The following FCRL3 variants were observed in gnomAD, a reference collection of about 807,000 sequenced individuals.
The protein encoded by FCRL3 is Fc receptor-like protein 3.
In FCRL3, 89 loss-of-function variants were observed where a neutral mutation model predicts 75.0. That is an observed-to-expected ratio of 1.19 (90% confidence interval 1.00 to 1.42). FCRL3 has a LOEUF of 1.42. FCRL3 is among the 40% of genes most tolerant of loss of function. The pLI is 0.00. For missense variants in FCRL3, 946 were observed against 880.0 expected (o/e 1.07, Z -0.95); for synonymous variants, 376 against 348.5 (o/e 1.08, Z -0.88).
chr1:157,689,587 A>G (rs1359626581), intron 10 of FCRL3, among the ~76,000 whole-genome samples: 1 of 152,214 alleles, frequency 6.6e-6, no homozygotes, highest in African/African-American at 2.4e-5. Context: ...TACCTAATAT[A>G]AATCTCAAAT....
At position 157,697,930 on chromosome 1, in the gene FCRL3, C is replaced by G. The variant is rs781012530; in HGVS notation, c.299-11G>C. On this transcript the variant is annotated splice_polypyrimidine_tract_variant and intron_variant, in intron 4 of 14. Coordinates refer to ENST00000368184, the MANE Select transcript of FCRL3 (RefSeq NM_052939.4). Reference sequence around the variant, plus strand: ...GCAGGATCAGCCAGTCTGCAAAGAGCACAGGAGCACACTCAGGTTATCCCC... The same window carrying G: ...GCAGGATCAGCCAGTCTGCAAAGAGGACAGGAGCACACTCAGGTTATCCCC... The G allele has an allele frequency of 3.1e-6, 5 of 1,612,004 alleles. No homozygotes were observed. The East Asian group carries it at 1.1e-4, about 36-fold the overall frequency.
Position 157,681,114 on chromosome 1 carries a change from G to A in FCRL3, c.1839-15C>T, listed in dbSNP as rs760386120. On this transcript the variant is annotated splice_polypyrimidine_tract_variant and intron_variant, in intron 11 of 14. Coordinates refer to ENST00000368184, the MANE Select transcript of FCRL3 (RefSeq NM_052939.4). ...TAGGACTGTGACTGTGACAGAGGGG[G>A]AGAGAATGGATTAAAAAGTATCTGT... 6.7e-7 allele frequency: 1 copy of A among 1,495,160 alleles called. No homozygotes were observed. Among genetic ancestry groups the A allele is most frequent in the African/African-American group, 1.4e-5 (1 of 71,052 alleles). The allele number at this position is 1,495,160 out of a possible 1,614,324, so 92.6% of individuals were successfully genotyped here.
At chr1:157,684,167 A>C (rs1188970189) in intron 10 of FCRL3, among the ~76,000 whole-genome samples, 2 of 152,228 alleles carry the variant, frequency 1.3e-5, no homozygotes, top group African/African-American at 4.8e-5. Flanking sequence ...AGCCAAATCT[A>C]TCAGACTTAA....
intron 8 of FCRL3, chr1:157,691,613 G>A (rs957806528): frequency 3.9e-5 from 6 of 152,176 alleles, no homozygotes; most frequent in African/African-American, 1.2e-4. Context: ...TGAAACAGAT[G>A]GTTTGAATTT....
In FCRL3 at chr1:157,697,339, G is replaced by T. The variant is rs1247104503; in HGVS notation, c.645C>A (p.Leu215=). The change falls in exon 6 of 15, where the codon CTC becomes CTA. Residue 215 remains leucine (L), a synonymous_variant. Coordinates refer to ENST00000368184, the MANE Select transcript of FCRL3 (RefSeq NM_052939.4). ...GCTGGACATCTGGCCTCTGTGGAGA[G>T]AGCTGGGTCTCACAGGTCAGGGTCA... ...SPMTLTCETQ[L]SPQRPDVQLQ... The T allele has an allele frequency of 2.0e-5, 32 of 1,611,182 alleles. No homozygotes were observed. The highest frequency in any genetic ancestry group is 2.6e-5 in the Non-Finnish European group (31 of 1,178,654).
intron 11 of FCRL3, among the ~76,000 whole-genome samples, chr1:157,681,928 C>G (rs12084565): frequency 6.6e-6 from 1 of 151,630 alleles, no homozygotes; most frequent in East Asian, 1.9e-4. Flanking sequence ...TTTTAATGAT[C>G]GCCATTCTAA....
upstream of FCRL3, chr1:157,700,856 C>T (rs2101631499): frequency 1.6e-6 from 1 of 606,374 alleles, no homozygotes. Context: ...AACCCCTTCA[C>T]TACCTTGTCT....
rs991302750 is a variant in FCRL3 at position 157,689,922 on chromosome 1, G to A, written c.1691-5C>T. ...CTGTTCTGTTCCTGGAAGTTCCTGA[G>A]TGGAGGGAGCTGTACTTGAGTTTCA... On this transcript the variant is annotated splice_region_variant and splice_polypyrimidine_tract_variant and intron_variant, in intron 9 of 14. Coordinates refer to ENST00000368184, the MANE Select transcript of FCRL3 (RefSeq NM_052939.4). 5.0e-6 allele frequency: 8 copies of A among 1,614,152 alleles called. No homozygotes were observed. The highest frequency in any genetic ancestry group is 4.2e-6 in the Non-Finnish European group (5 of 1,179,990).
Position 157,697,838 on chromosome 1 carries a change from T to C in FCRL3, c.380A>G (p.Asn127Ser), listed in dbSNP as rs1412324567. 2 of 1,614,134 alleles carry C rather than the reference T, an allele frequency of 1.2e-6. No individual in the cohort carries two copies. Among genetic ancestry groups the C allele is most frequent in the Non-Finnish European group, 1.7e-6 (2 of 1,180,010 alleles). Reference protein sequence around the residue: ...ILRCQGKDNKNTHQKVYYKDG... With the variant: ...ILRCQGKDNKSTHQKVYYKDG... Reference sequence around the variant, plus strand: ...CTTGTAGTAAACCTTTTGATGAGTGTTTTTGTTGTCTTTCCCCTGACATCT... The same window carrying C: ...CTTGTAGTAAACCTTTTGATGAGTGCTTTTGTTGTCTTTCCCCTGACATCT... The change falls in exon 5 of 15, where the codon AAC becomes AGC. Residue 127 changes from asparagine (N) to serine (S), a missense_variant. Coordinates refer to ENST00000368184, the MANE Select transcript of FCRL3 (RefSeq NM_052939.4).
chr1:157,676,704 G>C lies in FCRL3; in HGVS notation c.*2006C>G. The C allele has an allele frequency of 6.5e-7, 1 of 1,549,990 alleles. No individual in the cohort carries two copies. The highest frequency in any genetic ancestry group is 8.7e-7 in the Non-Finnish European group (1 of 1,146,510). ...TTCTTCCACTCACATACTCTGATTT[G>C]CACAGGGCTAAGTGTTACAAAGACA... On this transcript the variant is annotated 3_prime_UTR_variant, in exon 15 of 15. Coordinates refer to ENST00000368184, the MANE Select transcript of FCRL3 (RefSeq NM_052939.4).
intron 8 of FCRL3, among the ~76,000 whole-genome samples, chr1:157,691,438 GA>G (rs1405119487): frequency 6.6e-6 from 1 of 152,210 alleles, no homozygotes; most frequent in Non-Finnish European, 1.5e-5. Context: ...TTCCATCGCA[GA>G]TGGGCTAAAG....
At position 157,689,873 on chromosome 1, in the gene FCRL3, C is replaced by G. The variant is rs759615906; in HGVS notation, c.1735G>C (p.Gly579Arg). ...RTGLTAAGIT[G>R]LVLSILVLAA... Reference sequence around the variant, plus strand: ...AGGACGAGGATGCTGAGCACCAGCCCCGTGATTCCCGCAGCGGTAAGGCCT... The same window carrying G: ...AGGACGAGGATGCTGAGCACCAGCCGCGTGATTCCCGCAGCGGTAAGGCCT... The change falls in exon 10 of 15, where the codon GGG (glycine) becomes CGG (arginine). Residue 579 changes from glycine (G) to arginine (R), a missense_variant. By Grantham distance (125) the Gly-to-Arg change is moderately radical. Coordinates refer to ENST00000368184, the MANE Select transcript of FCRL3 (RefSeq NM_052939.4). The G allele has an allele frequency of 5.9e-5, 95 of 1,614,042 alleles. 2 individuals carry two copies. In the South Asian group the frequency reaches 1.0e-3, roughly 18 times the overall value.
chr1:157,679,145 C>T (rs1654658183), intron 13 of FCRL3, 172 bp from the exon 14 acceptor site: 3 of 690,804 alleles, frequency 4.3e-6, no homozygotes, highest in South Asian at 1.8e-5. Context: ...AGCCAATCTT[C>T]TTGATTTGCT....
intron 3 of FCRL3, 31 bp from the exon 4 acceptor site, chr1:157,698,660 G>A: frequency 3.1e-6 from 5 of 1,612,128 alleles, no homozygotes; most frequent in Non-Finnish European, 4.2e-6. Context: ...TGAAGGCAGG[G>A]GAAGGTCAAT....
chr1:157,676,971 CAT>C lies in FCRL3; in HGVS notation c.*1737_*1738del. 7.3e-7 allele frequency: 1 copy of C among 1,372,030 alleles called. No homozygotes were observed. The allele number at this position is 1,372,030 out of a possible 1,614,324, so 85.0% of individuals were successfully genotyped here. On this transcript the variant is annotated 3_prime_UTR_variant, in exon 15 of 15. Coordinates refer to ENST00000368184, the MANE Select transcript of FCRL3 (RefSeq NM_052939.4). Reference sequence around the variant, plus strand: ...GAGAAAAAAACAGCAGAATGTATCACATAGAAGACAGAGACATTTGCCTCCTC... The same window carrying C: ...GAGAAAAAAACAGCAGAATGTATCACAGAAGACAGAGACATTTGCCTCCTC...
chr1:157,696,309 A>G lies in FCRL3; in HGVS notation c.863T>C (p.Val288Ala). 6.2e-7 allele frequency: 1 copy of G among 1,614,054 alleles called. No individual in the cohort carries two copies. The highest frequency in any genetic ancestry group is 8.5e-7 in the Non-Finnish European group (1 of 1,180,008). The change falls in exon 7 of 15, where the codon GTG becomes GCG. Residue 288 changes from valine (V) to alanine (A), a missense_variant. Coordinates refer to ENST00000368184, the MANE Select transcript of FCRL3 (RefSeq NM_052939.4). ...IRVQRVPVSN[V>A]NLEIRPTGGQ... ...TCCGGTGGGCCGGATCTCTAGATTC[A>G]CATTAGACACAGGGACTCCTGGGGG...
chr1:157,686,647 C>A (rs942783248), intron 10 of FCRL3, among the ~76,000 whole-genome samples: 2 of 152,024 alleles, frequency 1.3e-5, no homozygotes, highest in African/African-American at 4.8e-5. Context: ...CACCTACAAC[C>A]ATCTGATCTT....
chr1:157,676,648 A>G lies in FCRL3; in HGVS notation c.*2062T>C, dbSNP rs1654472635. On this transcript the variant is annotated 3_prime_UTR_variant, in exon 15 of 15. Coordinates refer to ENST00000368184, the MANE Select transcript of FCRL3 (RefSeq NM_052939.4). ...ATCAATCAGAATTTGCACATTTGTT[A>G]TATCCGAGATGTACAGTTAGGACTC... The G allele has an allele frequency of 7.1e-7, 1 of 1,418,408 alleles. No individual in the cohort carries two copies. Among genetic ancestry groups the G allele is most frequent in the Non-Finnish European group, 9.7e-7 (1 of 1,029,538 alleles). The allele number at this position is 1,418,408 out of a possible 1,614,324, so 87.9% of individuals were successfully genotyped here. A position where few individuals can be genotyped will look rare whatever the true frequency, so the allele number is the denominator to read the frequency against.
At chr1:157,689,761 G>A (rs531550962) in intron 10 of FCRL3, 37 bp downstream of exon 10, 3 of 1,612,252 alleles carry the variant, frequency 1.9e-6, no homozygotes, top group African/African-American at 1.3e-5. Context: ...TATAGCAACG[G>A]CAAAATCACA....
Sources: allele counts gnomAD v4.1 joint callset (sites outside exome capture counted in the v4.1 genomes callset), GRCh38; gene constraint gnomAD v4.1.1; transcripts MANE v1.5; gene names NCBI Gene and HGNC (gene_info 2026-07-23, HGNC 2026-07-21).